Variants in CSMD1 observed in about 807,000 individuals in gnomAD.
CSMD1 encodes the protein CUB and Sushi multiple domains 1.
In CSMD1, 213 loss-of-function variants were observed where a neutral mutation model predicts 417.5. The observed-to-expected ratio is 0.51, with a 90% confidence interval of 0.46 to 0.57. CSMD1 has a LOEUF of 0.57. Ranked by LOEUF, CSMD1 falls within the 20% of genes least tolerant of loss-of-function variation. CSMD1 has a pLI of 0.00. For synonymous variants in CSMD1, 2,862 were observed against 1,736.8 expected, an observed-to-expected ratio of 1.65 and a Z score of -16.11; for missense variants, 6,923 against 4,529.7, an observed-to-expected ratio of 1.53 and a Z score of -15.17.
At chr8:4,537,279 C>G (rs1797145987) in intron 2 of CSMD1, among the ~76,000 whole-genome samples, 2 of 152,206 alleles carry the variant, frequency 1.3e-5, no homozygotes, top group African/African-American at 4.8e-5. Context: ...AATTATCCAT[C>G]TGGTAAAATG....
At chr8:4,229,392 G>C (rs957637222) in intron 3 of CSMD1, among the ~76,000 whole-genome samples, 4 of 152,154 alleles carry the variant, frequency 2.6e-5, no homozygotes, top group Non-Finnish European at 2.9e-5. Context: ...GATTCTCTTA[G>C]ATCACAAGCT....
chr8:3,429,709 T>C (rs561099419), intron 12 of CSMD1, among the ~76,000 whole-genome samples: 1 of 152,320 alleles, frequency 6.6e-6, no homozygotes, highest in East Asian at 1.9e-4. Context: ...CTTAATGAAA[T>C]GGTTAAATTG....
At chr8:4,029,399 G>T (rs998367422) in intron 4 of CSMD1, among the ~76,000 whole-genome samples, 29 of 152,326 alleles carry the variant, frequency 1.9e-4, no homozygotes, top group African/African-American at 6.7e-4. Flanking sequence ...CACAATCATG[G>T]TGGAAGGCAA....
chr8:4,651,678 A>G (rs934206956), intron 1 of CSMD1, among the ~76,000 whole-genome samples: 1 of 152,234 alleles, frequency 6.6e-6, no homozygotes, highest in African/African-American at 2.4e-5. Context: ...TGCCAGGTAT[A>G]TGATGATATT....
At chr8:3,272,266 C>T (rs1465043308) in intron 26 of CSMD1, among the ~76,000 whole-genome samples, 2 of 144,150 alleles carry the variant, frequency 1.4e-5, no homozygotes, top group South Asian at 2.3e-4. Flanking sequence ...TTTCTGAGGG[C>T]TCTGTTCTAT....
At chr8:4,259,635 A>T (rs1268422733) in intron 3 of CSMD1, among the ~76,000 whole-genome samples, 1 of 152,078 alleles carries the variant, frequency 6.6e-6, no homozygotes, top group Non-Finnish European at 1.5e-5. Flanking sequence ...CGGAGTCCTT[A>T]CCCAAAACAA....
At chr8:3,612,037 A>T (rs1801919589) in intron 8 of CSMD1, among the ~76,000 whole-genome samples, 1 of 152,150 alleles carries the variant, frequency 6.6e-6, no homozygotes, top group Admixed American at 6.6e-5. Flanking sequence ...CTATATGTAC[A>T]ACTGGATTTT....
intron 5 of CSMD1, among the ~76,000 whole-genome samples, chr8:3,810,027 G>A (rs866633808): frequency 6.6e-6 from 1 of 152,114 alleles, no homozygotes; most frequent in South Asian, 2.1e-4. Context: ...ATTAATTGCT[G>A]CCATGTCTGT....
At chr8:4,215,568 G>A (rs1487024882) in intron 3 of CSMD1, among the ~76,000 whole-genome samples, 2 of 151,710 alleles carry the variant, frequency 1.3e-5, no homozygotes, top group Non-Finnish European at 2.9e-5. Context: ...CATAGATCAG[G>A]CATTTTTTCC....
At chr8:4,140,456 C>G (rs562472477) in intron 3 of CSMD1, among the ~76,000 whole-genome samples, 1 of 150,870 alleles carries the variant, frequency 6.6e-6, no homozygotes, top group African/African-American at 2.5e-5. Flanking sequence ...CAAGATCAAA[C>G]ATTTGCACTC....
intron 3 of CSMD1, among the ~76,000 whole-genome samples, chr8:4,208,733 T>C (rs1035639344): frequency 3.3e-5 from 5 of 152,142 alleles, no homozygotes; most frequent in Non-Finnish European, 5.9e-5. Context: ...ATAAAAAGCA[T>C]GGAATATGGA....
At chr8:3,584,705 T>C (rs966658809) in intron 9 of CSMD1, among the ~76,000 whole-genome samples, 2 of 152,240 alleles carry the variant, frequency 1.3e-5, no homozygotes, top group African/African-American at 4.8e-5. Flanking sequence ...TTTAAAAGAA[T>C]GCACATTTAC....
chr8:4,391,644 T>C (rs1803856720), intron 3 of CSMD1, among the ~76,000 whole-genome samples: 3 of 152,024 alleles, frequency 2.0e-5, no homozygotes, highest in Admixed American at 1.3e-4. Flanking sequence ...ACTGCTGGGT[T>C]GACTGGTGAG....
In CSMD1 at chr8:3,446,922, A is replaced by C. The variant is rs1815342281; in HGVS notation, c.1561+21790T>G. ...TTAAAGCACTAATTGAGTTGGGGGA[A>C]GAAAGGAAATAATTAGCATGTTGTC... On this transcript the variant is annotated intron_variant, in intron 12 of 69. Coordinates refer to ENST00000635120, the MANE Select transcript of CSMD1 (RefSeq NM_033225.6). 2.0e-5 allele frequency among the ~76,000 whole-genome samples: 3 copies of C among 152,244 alleles called. No individual in the cohort carries two copies. In the South Asian group the frequency reaches 6.2e-4, roughly 31 times the overall value.
intron 30 of CSMD1, among the ~76,000 whole-genome samples, chr8:3,210,591 T>C (rs565830618): frequency 1.1e-4 from 16 of 146,030 alleles, no homozygotes; most frequent in Admixed American, 2.8e-4. Flanking sequence ...TATAAATTAA[T>C]ATATAGGTGT....
rs770699253 is a variant in CSMD1, at chr8:3,616,706, T to A, written c.1097+4A>T. 1 of 1,590,076 alleles carries A rather than the reference T, an allele frequency of 6.3e-7. No homozygotes were observed. Among genetic ancestry groups the A allele is most frequent in the Admixed American group, 1.7e-5 (1 of 59,812 alleles). On this transcript the variant is annotated splice_donor_region_variant and intron_variant, in intron 8 of 69. Transcript: ENST00000635120. The stretch of plus-strand genomic sequence containing the variant: ...CTTTTTTCCACCACTATTGTATCTC[T>A]TACCTGAAGTCGGAACCTGCTCTTC...
intron 9 of CSMD1, among the ~76,000 whole-genome samples, chr8:3,576,797 A>C (rs939720250): frequency 6.6e-6 from 1 of 152,210 alleles, no homozygotes; most frequent in Admixed American, 6.5e-5. Context: ...TTTAGATGTG[A>C]AATCTTAAAG....
chr8:3,833,261 G>C lies in CSMD1; in HGVS notation c.819-79219C>G, dbSNP rs932369196. 3.3e-5 allele frequency among the ~76,000 whole-genome samples: 5 copies of C among 152,030 alleles called. No individual in the cohort carries two copies. In the East Asian group the frequency reaches 7.7e-4, roughly 24 times the overall value. ...CATATTACACATGTTGATAATATCT[G>C]CATTTTGTCATTACAACACTGATAT... On this transcript the variant is annotated intron_variant, in intron 5 of 69. Transcript: ENST00000635120.
At chr8:3,409,343 G>A (rs747038875) in intron 13 of CSMD1, 80 bp downstream of exon 13, 15 of 1,299,478 alleles carry the variant, frequency 1.2e-5, no homozygotes, top group African/African-American at 1.0e-4. Flanking sequence ...CTAAATGGGC[G>A]GTCTGTGTCT....
Sources: allele counts gnomAD v4.1 joint callset (sites outside exome capture counted in the v4.1 genomes callset), GRCh38; gene constraint gnomAD v4.1.1; transcripts MANE v1.5; gene names NCBI Gene and HGNC (gene_info 2026-07-23, HGNC 2026-07-21).